CCM2: variants seen among roughly 807,000 people sequenced by gnomAD.
CCM2 encodes cerebral cavernous malformations 2 protein.
Under a neutral mutation model 44.9 loss-of-function variants are expected in CCM2, and 25 were observed. The observed-to-expected ratio is 0.56, with a 90% CI of 0.41 to 0.78. CCM2 has a LOEUF of 0.78. Ranked by LOEUF, CCM2 falls within the 30% of genes least tolerant of loss-of-function variation. The pLI is 0.00. For synonymous variants in CCM2, 219 were observed against 241.1 expected (o/e 0.91, Z 0.85); for missense variants, 481 against 580.6 (o/e 0.83, Z 1.76).
chr7:45,048,758 T>TAA (rs112489438), intron 2 of CCM2, among the ~76,000 whole-genome samples: 60 of 141,538 alleles, frequency 4.2e-4, no homozygotes, highest in Non-Finnish European at 6.1e-4. Flanking sequence ...CAAGACTGTC[T>TAA]AAAAAAAAAA....
rs115955065 is a variant in CCM2, at chr7:45,038,666, G to A, written c.204+240G>A. Among the ~76,000 whole-genome samples, 264 of 152,278 alleles carry A rather than the reference G, an allele frequency of 1.7e-3. 2 individuals carry two copies. Among genetic ancestry groups the A allele is most frequent in the African/African-American group, 6.2e-3 (258 of 41,554 alleles). ...GTAGCAATGCCACCTTCTTTCTCTC[G>A]AAGACTTGGCTGTGTGAGTAGTATG... is the stretch of plus-strand genomic sequence containing the variant. On this transcript the variant is annotated intron_variant, in intron 2 of 9. Coordinates refer to ENST00000258781, the MANE Select transcript of CCM2 (RefSeq NM_031443.4).
intron 1 of CCM2, among the ~76,000 whole-genome samples, chr7:45,037,418 CTTTT>C (rs11424221): frequency 2.7e-5 from 3 of 112,094 alleles, no homozygotes; most frequent in Non-Finnish European, 1.7e-5. Context: ...TCTCCCCCTA[CTTTT>C]TTTTTTTTTT....
chr7:45,072,920 C>T (rs1282273833), intron 7 of CCM2, 137 bp downstream of exon 7: 3 of 761,446 alleles, frequency 3.9e-6, no homozygotes, highest in Admixed American at 3.9e-5. Context: ...CTGTACCCAG[C>T]TTAGTGAATG....
chr7:45,016,115 C>T (rs1796253227), intron 1 of CCM2, among the ~76,000 whole-genome samples: 1 of 152,190 alleles, frequency 6.6e-6, no homozygotes, highest in Admixed American at 6.5e-5. Context: ...AGAGTTGCAA[C>T]CTGTAGGCTG....
Position 45,028,222 on chromosome 7 carries a change from A to G in CCM2, c.31-10031A>G, listed in dbSNP as rs182664651. ...TGGAATTTCATCCACGAAGCCTGCA[A>G]CACTAGTGGGGTTCTGCTTGAGACT... On this transcript the variant is annotated intron_variant, in intron 1 of 9. Coordinates refer to ENST00000258781, the MANE Select transcript of CCM2 (RefSeq NM_031443.4). Among the ~76,000 whole-genome samples the G allele has an allele frequency of 9.4e-4, 143 of 152,288 alleles. 2 individuals are homozygous for G. The highest frequency in any genetic ancestry group is 3.3e-3 in the African/African-American group (139 of 41,560).
intron 6 of CCM2, chr7:45,070,595 C>T (rs373446446): frequency 3.9e-5 from 14 of 360,900 alleles, no homozygotes; most frequent in East Asian, 1.7e-4. Context: ...AAAACATCAT[C>T]TGTTTTTCAG....
chr7:45,051,551 C>T (rs867888123), intron 2 of CCM2, among the ~76,000 whole-genome samples: 2 of 151,718 alleles, frequency 1.3e-5, no homozygotes, highest in South Asian at 2.1e-4. Flanking sequence ...GCGCCCGTCA[C>T]CACGCCTGGC....
At chr7:45,044,224 C>T (rs1004000431) in intron 2 of CCM2, among the ~76,000 whole-genome samples, 10 of 152,232 alleles carry the variant, frequency 6.6e-5, no homozygotes, top group African/African-American at 2.4e-4. Flanking sequence ...AGCTCCGCCT[C>T]CCGGGTTCAC....
chr7:45,025,454 A>G (rs917343628), intron 1 of CCM2, among the ~76,000 whole-genome samples: 3 of 151,104 alleles, frequency 2.0e-5, no homozygotes, highest in Admixed American at 6.6e-5. Flanking sequence ...TGTCCTTGTT[A>G]TTATTCTACG....
rs1164027731 is a variant in CCM2 at position 45,076,296 on chromosome 7, T to C, written c.*239T>C. On this transcript the variant is annotated 3_prime_UTR_variant, in exon 10 of 10. Coordinates refer to ENST00000258781, the MANE Select transcript of CCM2 (RefSeq NM_031443.4). ...TGTCCACCAGGGCTCAGCCAAGCCC[T>C]GCAGTGTGTCCCCGCTCGGGGAGGG... is the stretch of plus-strand genomic sequence containing the variant. 4.3e-6 allele frequency: 3 copies of C among 693,004 alleles called. No homozygotes were observed. In the East Asian group the frequency reaches 8.5e-5, roughly 20 times the overall value. The allele number at this position is 693,004 out of a possible 1,614,324, so 42.9% of individuals were successfully genotyped here.
chr7:45,040,991 A>AAAAAC (rs1467009675), intron 2 of CCM2, among the ~76,000 whole-genome samples: 3 of 152,204 alleles, frequency 2.0e-5, no homozygotes, highest in Admixed American at 1.3e-4. Context: ...CGCGGTCTTC[A>AAAAAC]AAAACAAAAC....
Position 45,074,373 on chromosome 7 carries a change from A to T in CCM2, c.1019A>T (p.Gln340Leu). The T allele has an allele frequency of 6.2e-7, 1 of 1,613,628 alleles. No homozygotes were observed. The highest frequency in any genetic ancestry group is 8.5e-7 in the Non-Finnish European group (1 of 1,179,968). ...SIHEFCINLR[Q>L]LYGDSRKFLL... The stretch of plus-strand genomic sequence containing the variant: ...CACGAGTTCTGCATCAACCTGCGGC[A>T]GCTCTACGGGGACAGCCGCAAGTTC... The change falls in exon 9 of 10, where the codon CAG becomes CTG. Residue 340 changes from glutamine to leucine, a missense_variant. Coordinates refer to ENST00000258781, the MANE Select transcript of CCM2 (RefSeq NM_031443.4).
intron 2 of CCM2, among the ~76,000 whole-genome samples, chr7:45,061,438 C>A (rs185649911): frequency 6.7e-6 from 1 of 149,224 alleles, no homozygotes; most frequent in Non-Finnish European, 1.5e-5. Flanking sequence ...CTGGTCATGC[C>A]TTTTTCTTTC....
At chr7:45,002,902 C>T (rs1307945647) in intron 1 of CCM2, among the ~76,000 whole-genome samples, 1 of 152,142 alleles carries the variant, frequency 6.6e-6, no homozygotes, top group Non-Finnish European at 1.5e-5. Flanking sequence ...CAGAAAAGTC[C>T]TCTGGCCACT....
chr7:45,033,069 AAAG>A (rs1368892670), intron 1 of CCM2, among the ~76,000 whole-genome samples: 3 of 150,692 alleles, frequency 2.0e-5, no homozygotes, highest in East Asian at 3.9e-4. Flanking sequence ...AAAAAAAAAA[AAAG>A]AGCAAAGGCC....
chr7:45,002,856 C>A (rs1220583389), intron 1 of CCM2, among the ~76,000 whole-genome samples: 1 of 152,124 alleles, frequency 6.6e-6, no homozygotes, highest in Admixed American at 6.6e-5. Flanking sequence ...GGAGATGGAT[C>A]ACTCATGGGT....
chr7:45,066,467 A>G (rs968393487), intron 4 of CCM2, among the ~76,000 whole-genome samples: 1 of 152,202 alleles, frequency 6.6e-6, no homozygotes, highest in Non-Finnish European at 1.5e-5. Context: ...ATTTAGGATT[A>G]GGCATCCAGA....
chr7:45,000,461 GGGGGCA>G, intron 1 of CCM2, 98 bp downstream of exon 1: 1 of 287,840 alleles, frequency 3.5e-6, no homozygotes. Context: ...GCCCGGGGGG[GGGGGCA>G]GTGGGCCAGC....
At chr7:45,020,645 T>C (rs1796446570) in intron 1 of CCM2, among the ~76,000 whole-genome samples, 1 of 152,234 alleles carries the variant, frequency 6.6e-6, no homozygotes. Flanking sequence ...ACAAATTGTT[T>C]TGTATGGTAG....
Sources: gnomAD v4.1 joint callset for allele counts (sites outside exome capture counted in the v4.1 genomes callset) on GRCh38, gnomAD v4.1.1 for gene constraint, MANE v1.5 for transcripts, NCBI Gene and HGNC (gene_info 2026-07-23, HGNC 2026-07-21) for gene names.